The following COL10A1 variants were observed in gnomAD, a reference collection of about 807,000 sequenced individuals.
COL10A1 encodes the protein collagen alpha-1(X) chain.
In COL10A1, 10 loss-of-function variants were observed where a neutral mutation model predicts 18.2. That is an observed-to-expected ratio of 0.55 (90% CI 0.34 to 0.93). The LOEUF is 0.93. COL10A1 is among the 40% of genes least tolerant of loss of function. COL10A1 has a pLI of 0.02. For synonymous variants in COL10A1, 330 were observed against 316.6 expected (o/e 1.04, Z -0.45); for missense variants, 897 against 853.5 (o/e 1.05, Z -0.64).
At chr6:116,204,968 G>T in the COL10A1 span, among the ~76,000 whole-genome samples, 2 of 151,984 alleles carry the variant, frequency 1.3e-5, no homozygotes, top group Non-Finnish European at 2.9e-5. Context: ...ATATGTGTGT[G>T]TAAGTCCATA....
chr6:116,165,852 A>G, the COL10A1 span, among the ~76,000 whole-genome samples: 1 of 152,324 alleles, frequency 6.6e-6, no homozygotes, highest in Admixed American at 6.5e-5. Context: ...TTTGCAGGGT[A>G]CTGGTGATTG....
chr6:116,131,754 C>T (rs868273043), intron 1 of COL10A1, among the ~76,000 whole-genome samples: 2 of 152,170 alleles, frequency 1.3e-5, no homozygotes, highest in Non-Finnish European at 1.5e-5. Flanking sequence ...CTTTATTGTA[C>T]AGTTTATTTC....
intron 1 of COL10A1, among the ~76,000 whole-genome samples, chr6:116,140,352 G>A (rs1779736224): frequency 6.6e-6 from 1 of 151,882 alleles, no homozygotes; most frequent in African/African-American, 2.4e-5. Context: ...TGCTCTTCTG[G>A]GCACATCACA....
upstream of COL10A1, among the ~76,000 whole-genome samples, chr6:116,127,486 A>C (rs1779350151): frequency 6.6e-6 from 1 of 152,082 alleles, no homozygotes; most frequent in South Asian, 2.1e-4. Context: ...CAAAATAGGA[A>C]AGTTTATAAT....
At chr6:116,129,586 A>G (rs978728972), upstream of COL10A1, among the ~76,000 whole-genome samples, 2 of 152,192 alleles carry the variant, frequency 1.3e-5, no homozygotes, top group African/African-American at 4.8e-5. Context: ...GCCTTCTGCC[A>G]TGCGATACTA....
chr6:116,215,298 A>T, the COL10A1 span, among the ~76,000 whole-genome samples: 1 of 152,162 alleles, frequency 6.6e-6, no homozygotes, highest in African/African-American at 2.4e-5. Flanking sequence ...AACTAAATAA[A>T]TTGCAAAACA....
At chr6:116,136,216 A>G (rs771162037) in intron 1 of COL10A1, among the ~76,000 whole-genome samples, 1 of 152,000 alleles carries the variant, frequency 6.6e-6, no homozygotes. Flanking sequence ...GGTGTATTTC[A>G]CTTAGCATAT....
intron 1 of COL10A1, 43 bp downstream of exon 1, chr6:116,126,010 C>G (rs1562127824): frequency 6.4e-6 from 1 of 155,386 alleles, no homozygotes; most frequent in African/African-American, 2.4e-5. Flanking sequence ...AGTTTCTTTC[C>G]AAGCAAGTTA....
At chr6:116,216,896 G>A in the COL10A1 span, among the ~76,000 whole-genome samples, 1 of 152,114 alleles carries the variant, frequency 6.6e-6, no homozygotes, top group Admixed American at 6.6e-5. Flanking sequence ...TCACTAGCGT[G>A]CTCTTATATA....
At chr6:116,192,469 AT>A in the COL10A1 span, among the ~76,000 whole-genome samples, 1 of 152,080 alleles carries the variant, frequency 6.6e-6, no homozygotes, top group Non-Finnish European at 1.5e-5. Context: ...CTATATACAG[AT>A]GAAAGACTTG....
At chr6:116,174,959 T>C in the COL10A1 span, among the ~76,000 whole-genome samples, 2 of 152,176 alleles carry the variant, frequency 1.3e-5, no homozygotes, top group Non-Finnish European at 2.9e-5. Flanking sequence ...TCTCCTTTTC[T>C]TAAGGATTAG....
At chr6:116,138,027 A>G (rs9481607) in intron 1 of COL10A1, among the ~76,000 whole-genome samples, 77,352 of 151,720 alleles carry the variant, frequency 0.51, 20,823 homozygotes, top group African/African-American at 0.69. Flanking sequence ...GCAGTGAGCC[A>G]AGATCACACC....
In COL10A1 at chr6:116,121,047, G is replaced by A; in HGVS notation, c.1069C>T (p.Leu357Phe). 5 of 1,614,072 alleles carry A rather than the reference G, an allele frequency of 3.1e-6. 1 individual carries two copies. In the South Asian group the frequency reaches 5.5e-5, roughly 18 times the overall value. Residue 357 changes from leucine to phenylalanine, a missense_variant, in exon 3 of 3, where the codon CTC becomes TTC. Transcript: ENST00000651968. Reference sequence around the variant, plus strand: ...CCTGTCTCACCTTTAGGGCCTGGGAGACCATGGCTACCCGGGATGCCTTTT... The same window carrying A: ...CCTGTCTCACCTTTAGGGCCTGGGAAACCATGGCTACCCGGGATGCCTTTT... ...GPKGIPGSHGLPGPKGETGPA... is the reference protein window; with the variant it reads ...GPKGIPGSHGFPGPKGETGPA...
the COL10A1 span, among the ~76,000 whole-genome samples, chr6:116,205,336 T>C: frequency 1.2e-3 from 177 of 151,196 alleles, 1 homozygote; most frequent in Admixed American, 2.8e-3. Context: ...GACTTCAGAC[T>C]TTTTTTTTAT....
At chr6:116,137,423 A>C (rs1779638024) in intron 1 of COL10A1, 1 of 158,258 alleles carries the variant, frequency 6.3e-6, no homozygotes, top group African/African-American at 2.4e-5. Context: ...CCAGCTTCAG[A>C]ATCTTCTCAC....
intron 1 of COL10A1, among the ~76,000 whole-genome samples, chr6:116,147,048 C>T (rs186883624): frequency 1.4e-3 from 203 of 150,132 alleles, no homozygotes; most frequent in Middle Eastern, 3.4e-3. Context: ...CTTTGAAGTA[C>T]GACCTCAAAC....
chr6:116,121,205 G>A lies in COL10A1; in HGVS notation c.911C>T (p.Pro304Leu). The change falls in exon 3 of 3, where the codon CCA becomes CTA. Residue 304 changes from proline (P) to leucine (L), a missense_variant. By Grantham distance (98) the Pro-to-Leu change is moderately conservative (BLOSUM62 -3). Transcript: ENST00000651968. ...AGGTCCTCTTTCTCCCTTCAGGCCT[G>A]GCAAGCCTGGTTTCCCAAAGCCAGG... is the stretch of plus-strand genomic sequence containing the variant. Reference protein sequence around the residue: ...GPPGFGKPGLPGLKGERGPAG... With the variant: ...GPPGFGKPGLLGLKGERGPAG... 6.2e-7 allele frequency: 1 copy of A among 1,613,652 alleles called. No homozygotes were observed. The highest frequency in any genetic ancestry group is 8.5e-7 in the Non-Finnish European group (1 of 1,179,858).
At chr6:116,179,561 A>G in the COL10A1 span, among the ~76,000 whole-genome samples, 1 of 152,188 alleles carries the variant, frequency 6.6e-6, no homozygotes, top group Non-Finnish European at 1.5e-5. Context: ...ATGATCAGGG[A>G]AACGCAAATC....
chr6:116,148,145 C>T (rs1477432017), intron 1 of COL10A1, among the ~76,000 whole-genome samples: 2 of 152,050 alleles, frequency 1.3e-5, no homozygotes, highest in Non-Finnish European at 2.9e-5. Context: ...CAGAATATCT[C>T]ATATTCCTTG....
Sources: gnomAD v4.1 joint callset for allele counts (sites outside exome capture counted in the v4.1 genomes callset) on GRCh38, gnomAD v4.1.1 for gene constraint, MANE v1.5 for transcripts, NCBI Gene and HGNC (gene_info 2026-07-23, HGNC 2026-07-21) for gene names.